The following SLC9A9 variants were observed in gnomAD, a reference collection of about 807,000 sequenced individuals.
SLC9A9 encodes the protein sodium/hydrogen exchanger 9.
In SLC9A9, 62 loss-of-function variants were observed where a neutral mutation model predicts 77.8. That is an observed-to-expected ratio of 0.80 (90% CI 0.65 to 0.98). The LOEUF (loss-of-function observed/expected upper bound fraction) is 0.98, where lower values mean the gene tolerates loss of function less well. Among genes scored for constraint, SLC9A9 ranks in the 50% least tolerant of loss-of-function variants. The pLI is 0.00. For synonymous variants in SLC9A9, 320 were observed against 283.5 expected, an observed-to-expected ratio of 1.13 and a Z score of -1.29; for missense variants, 775 against 774.9, an observed-to-expected ratio of 1.00 and a Z score of 0.00.
chr3:143,370,565 G>GCACA (rs1400523794), intron 13 of SLC9A9, among the ~76,000 whole-genome samples: 10 of 38,410 alleles, frequency 2.6e-4, no homozygotes, highest in African/African-American at 8.2e-4. Context: ...ATGCATGTGC[G>GCACA]CGCACACACA....
chr3:143,504,009 G>T, intron 9 of SLC9A9: 2 of 453,004 alleles, frequency 4.4e-6, no homozygotes, highest in South Asian at 1.7e-5. Flanking sequence ...TGCCAGCATC[G>T]CCCCATTTGA....
chr3:143,266,260 C>T lies in SLC9A9; in HGVS notation c.*442G>A, dbSNP rs1366796882. The T allele has an allele frequency of 2.0e-5, 12 of 603,976 alleles. No homozygotes were observed. The East Asian group carries it at 3.3e-4, about 17-fold the overall frequency. The allele number at this position is 603,976 out of a possible 1,614,324, so 37.4% of individuals were successfully genotyped here. A position where few individuals can be genotyped will look rare whatever the true frequency, so the allele number is the denominator to read the frequency against. ...ACTTATCACTTACTAAATAGCTGGG[C>T]ATTCCCTTCAGCTTAGGAGCAAAAT... On this transcript the variant is annotated 3_prime_UTR_variant, in exon 16 of 16. Transcript: ENST00000316549.
At chr3:143,685,122 T>C (rs1340366134) in intron 5 of SLC9A9, among the ~76,000 whole-genome samples, 1 of 152,134 alleles carries the variant, frequency 6.6e-6, no homozygotes, top group African/African-American at 2.4e-5. Flanking sequence ...TCTAGTAGTC[T>C]TCTTAAAAAG....
intron 6 of SLC9A9, among the ~76,000 whole-genome samples, chr3:143,585,089 G>T (rs1249513177): frequency 6.6e-6 from 1 of 152,192 alleles, no homozygotes; most frequent in Non-Finnish European, 1.5e-5. Context: ...CTGTTGGCAT[G>T]ATGGCACCTC....
chr3:143,748,311 A>G (rs1015553580), intron 4 of SLC9A9, among the ~76,000 whole-genome samples: 1 of 152,190 alleles, frequency 6.6e-6, no homozygotes, highest in African/African-American at 2.4e-5. Flanking sequence ...CAGCCAAGCC[A>G]GCAAAACTGA....
intron 1 of SLC9A9, 80 bp from the exon 2 acceptor site, chr3:143,832,301 C>A: frequency 8.0e-7 from 1 of 1,249,868 alleles, no homozygotes; most frequent in East Asian, 2.4e-5. Flanking sequence ...TGATTTGGAA[C>A]CTTCAGAAGT....
chr3:143,296,138 A>G (rs1382406472), intron 14 of SLC9A9, among the ~76,000 whole-genome samples: 1 of 152,214 alleles, frequency 6.6e-6, no homozygotes, highest in African/African-American at 2.4e-5. Context: ...TTAACTGTAG[A>G]CACAATGATG....
At chr3:143,313,449 C>T (rs2031092629) in intron 14 of SLC9A9, 1 of 152,238 alleles carries the variant, frequency 6.6e-6, no homozygotes, top group Non-Finnish European at 1.5e-5. Flanking sequence ...GCAGAGTCAT[C>T]TAAGTTACAG....
rs188641418 is a variant in SLC9A9, at chr3:143,391,056, C to A, written c.1470-8942G>T. Among the ~76,000 whole-genome samples, 18 of 152,364 alleles carry A rather than the reference C, an allele frequency of 1.2e-4. No individual in the cohort carries two copies. The East Asian group carries it at 3.5e-3, about 29-fold the overall frequency. ...ATAGCCAAACAAAAGGCAGCAGAATCCTCTGCAGACTTAAATGTCCCTGTC... is the reference window on the plus strand; with the variant it reads ...ATAGCCAAACAAAAGGCAGCAGAATACTCTGCAGACTTAAATGTCCCTGTC... On this transcript the variant is annotated intron_variant, in intron 12 of 15. Transcript: ENST00000316549.
chr3:143,599,116 C>G (rs1229706997), intron 6 of SLC9A9, among the ~76,000 whole-genome samples: 2 of 152,148 alleles, frequency 1.3e-5, no homozygotes, highest in East Asian at 3.9e-4. Context: ...GGGACTGTGG[C>G]AGAAGAATAG....
In SLC9A9 at chr3:143,645,146, T is replaced by C. The variant is rs576535255; in HGVS notation, c.755+7109A>G. ...ATTAGTATTATAAAACGTCTCCCCA[T>C]CTGCTTCTGAAGGGGTCTATGAACT... On this transcript the variant is annotated intron_variant, in intron 6 of 15. Coordinates refer to ENST00000316549, the MANE Select transcript of SLC9A9 (RefSeq NM_173653.4). Among the ~76,000 whole-genome samples, 141 of 152,332 alleles carry C rather than the reference T, an allele frequency of 9.3e-4. 1 individual carries two copies. Among genetic ancestry groups the C allele is most frequent in the Non-Finnish European group, 1.7e-3 (118 of 68,032 alleles).
intron 9 of SLC9A9, among the ~76,000 whole-genome samples, chr3:143,500,768 C>A: frequency 7.0e-6 from 1 of 142,104 alleles, no homozygotes; most frequent in African/African-American, 3.1e-5. Flanking sequence ...TATAAGATAC[C>A]ATAAATATCA....
intron 4 of SLC9A9, among the ~76,000 whole-genome samples, chr3:143,770,144 A>G (rs1317055050): frequency 6.6e-6 from 1 of 152,194 alleles, no homozygotes; most frequent in African/African-American, 2.4e-5. Context: ...TGCAATCCCA[A>G]TGAAAACACC....
intron 4 of SLC9A9, among the ~76,000 whole-genome samples, chr3:143,792,750 C>G (rs1283700932): frequency 6.6e-6 from 1 of 152,164 alleles, no homozygotes; most frequent in South Asian, 2.1e-4. Flanking sequence ...AAGATTTCAC[C>G]AAGCTAATGA....
chr3:143,720,080 C>T (rs1335702684), intron 4 of SLC9A9, among the ~76,000 whole-genome samples: 1 of 151,158 alleles, frequency 6.6e-6, no homozygotes, highest in Admixed American at 6.6e-5. Context: ...CTAAACTAAG[C>T]CCCATTTATT....
At chr3:143,287,576 T>C (rs1054208964) in intron 14 of SLC9A9, among the ~76,000 whole-genome samples, 10 of 152,240 alleles carry the variant, frequency 6.6e-5, no homozygotes, top group Non-Finnish European at 1.3e-4. Flanking sequence ...TAGCAAATTC[T>C]GTTTCTTTGC....
chr3:143,366,302 G>T (rs1480907226), intron 13 of SLC9A9, among the ~76,000 whole-genome samples: 1 of 152,158 alleles, frequency 6.6e-6, no homozygotes, highest in Admixed American at 6.5e-5. Context: ...CTCTATCAAG[G>T]TAGGTTGCAT....
intron 6 of SLC9A9, among the ~76,000 whole-genome samples, chr3:143,607,782 G>C (rs1305225669): frequency 6.6e-6 from 1 of 151,102 alleles, no homozygotes; most frequent in Non-Finnish European, 1.5e-5. Flanking sequence ...ACAAAATAAG[G>C]TATGAGATAT....
At chr3:143,654,599 T>C (rs1576636795) in intron 5 of SLC9A9, among the ~76,000 whole-genome samples, 1 of 152,236 alleles carries the variant, frequency 6.6e-6, no homozygotes, top group Non-Finnish European at 1.5e-5. Context: ...GGGGTTTGGT[T>C]AGCAACATTT....
Sources: allele counts gnomAD v4.1 joint callset (sites outside exome capture counted in the v4.1 genomes callset), GRCh38; gene constraint gnomAD v4.1.1; transcripts MANE v1.5; gene names NCBI Gene and HGNC (gene_info 2026-07-23, HGNC 2026-07-21).